SRGAP3: variants seen among roughly 807,000 people sequenced by gnomAD.
SRGAP3 encodes the protein SLIT-ROBO Rho GTPase activating protein 3.
Under a neutral mutation model 121.1 loss-of-function variants are expected in SRGAP3, and 39 were observed. The observed-to-expected ratio is 0.32, with a 90% CI of 0.25 to 0.42. SRGAP3 has a LOEUF of 0.42. Ranked by LOEUF, SRGAP3 falls within the 10% of genes least tolerant of loss-of-function variation. The pLI is 1.00. For synonymous variants in SRGAP3, 601 were observed against 570.0 expected (o/e 1.05, Z -0.77); for missense variants, 1,213 against 1,470.6 (o/e 0.82, Z 2.86).
At chr3:9,069,201 G>A (rs923946936) in intron 4 of SRGAP3, among the ~76,000 whole-genome samples, 4 of 152,146 alleles carry the variant, frequency 2.6e-5, no homozygotes, top group African/African-American at 7.2e-5. Flanking sequence ...ACTGGAATTC[G>A]GGAGACTTGG....
At chr3:8,989,363 T>C (rs1030096810) in intron 21 of SRGAP3, among the ~76,000 whole-genome samples, 4 of 152,224 alleles carry the variant, frequency 2.6e-5, no homozygotes, top group Admixed American at 6.5e-5. Flanking sequence ...GGAATGGGCA[T>C]GGGGCCAAAC....
At chr3:9,260,890 C>T (rs891876838) in intron 3 of SRGAP3, among the ~76,000 whole-genome samples, 3 of 152,346 alleles carry the variant, frequency 2.0e-5, no homozygotes, top group African/African-American at 7.2e-5. Flanking sequence ...CCCTGACCCC[C>T]GTGCCTCCTG....
chr3:9,303,414 G>C (rs1955101990), intron 3 of SRGAP3, among the ~76,000 whole-genome samples: 2 of 145,850 alleles, frequency 1.4e-5, no homozygotes, highest in Non-Finnish European at 3.0e-5. Flanking sequence ...GACAGAGTGA[G>C]ACTCCATCTC....
intron 1 of SRGAP3, among the ~76,000 whole-genome samples, chr3:9,197,204 A>C (rs1391852464): frequency 6.6e-6 from 1 of 152,250 alleles, no homozygotes; most frequent in South Asian, 2.1e-4. Context: ...CATTCTGCTA[A>C]CATCAGATGT....
chr3:8,985,993 T>G lies in SRGAP3; in HGVS notation c.2887-61A>C. Reference sequence around the variant, plus strand: ...GAGACCTGGAGTCAGGTCCTTCCTGTCTGCTAAGCAGCTTCCCTTCGTAGG... The same window carrying G: ...GAGACCTGGAGTCAGGTCCTTCCTGGCTGCTAAGCAGCTTCCCTTCGTAGG... On this transcript the variant is annotated intron_variant, in intron 21 of 21. Transcript: ENST00000383836. This position sits in a 1 kb window ranked among gnomAD's most constrained non-coding sequence, Gnocchi z 5.1. The G allele has an allele frequency of 6.3e-7, 1 of 1,598,476 alleles. No homozygotes were observed. Among genetic ancestry groups the G allele is most frequent in the Non-Finnish European group, 8.5e-7 (1 of 1,179,484 alleles).
intron 1 of SRGAP3, among the ~76,000 whole-genome samples, chr3:9,162,740 C>T (rs2668352): frequency 0.29 from 44,548 of 151,934 alleles, 7,388 homozygotes; most frequent in Non-Finnish European, 0.39. Context: ...ATGGCTGGAC[C>T]CTGGGCAAGT....
chr3:9,302,943 C>T (rs1207532624), intron 3 of SRGAP3, among the ~76,000 whole-genome samples: 1 of 129,918 alleles, frequency 7.7e-6, no homozygotes, highest in Non-Finnish European at 1.6e-5. Context: ...TAATATCTCC[C>T]ACCACCACCT....
chr3:9,083,445 GCATAT>G (rs1215357341), intron 3 of SRGAP3, among the ~76,000 whole-genome samples: 5 of 152,272 alleles, frequency 3.3e-5, no homozygotes, highest in African/African-American at 1.2e-4. Flanking sequence ...ACATATATTT[GCATAT>G]CATATGTTCT....
At chr3:9,148,335 C>T (rs1209540766) in intron 1 of SRGAP3, among the ~76,000 whole-genome samples, 2 of 152,202 alleles carry the variant, frequency 1.3e-5, no homozygotes, top group African/African-American at 4.8e-5. Context: ...GTGCTACAAG[C>T]ACCAGCAATT....
chr3:8,990,287 C>A (rs1015278018), intron 21 of SRGAP3, among the ~76,000 whole-genome samples: 9 of 152,248 alleles, frequency 5.9e-5, no homozygotes, highest in African/African-American at 2.2e-4. Context: ...GCCCTGGACA[C>A]TGGGGGTGTT....
intron 2 of SRGAP3, among the ~76,000 whole-genome samples, chr3:9,329,551 A>G (rs1458613247): frequency 6.6e-6 from 1 of 152,206 alleles, no homozygotes; most frequent in African/African-American, 2.4e-5. Context: ...AGAAATTTCA[A>G]CACATGGTGT....
intron 3 of SRGAP3, among the ~76,000 whole-genome samples, chr3:9,287,237 C>T (rs1954792528): frequency 6.6e-6 from 1 of 152,038 alleles, no homozygotes; most frequent in Non-Finnish European, 1.5e-5. Flanking sequence ...AGCGATCCTC[C>T]CACCTCACCC....
chr3:9,347,973 G>A (rs778781405), intron 1 of SRGAP3, among the ~76,000 whole-genome samples: 1 of 152,156 alleles, frequency 6.6e-6, no homozygotes, highest in Non-Finnish European at 1.5e-5. Flanking sequence ...GAGTAGCATG[G>A]TTACTCACCA....
At chr3:9,248,751 C>G in intron 1 of SRGAP3, 134 bp downstream of exon 1, 1 of 947,368 alleles carries the variant, frequency 1.1e-6, no homozygotes, top group Admixed American at 2.0e-5. Flanking sequence ...ACTGTTACTC[C>G]TCACAAAAAG....
intron 1 of SRGAP3, among the ~76,000 whole-genome samples, chr3:9,243,789 G>A (rs994948204): frequency 1.3e-5 from 2 of 152,218 alleles, no homozygotes; most frequent in African/African-American, 4.8e-5. Context: ...TCAACTTGTA[G>A]ACCAGATTTT....
Position 9,079,914 on chromosome 3 carries a change from C to T in SRGAP3, c.486+111G>A, listed in dbSNP as rs1008850845. ...ACCCACTGTCACTCAGCATAAAACG[C>T]AGCAAAAAAGGCCTGGGGTCATTCC... On this transcript the variant is annotated intron_variant, in intron 4 of 21. Transcript: ENST00000383836. The T allele has an allele frequency of 2.4e-5, 27 of 1,134,414 alleles. 2 individuals carry two copies. In the Middle Eastern group the frequency reaches 3.1e-3, roughly 128 times the overall value. The allele number at this position is 1,134,414 out of a possible 1,614,324, so 70.3% of individuals were successfully genotyped here. A position where few individuals can be genotyped will look rare whatever the true frequency, so the allele number is the denominator to read the frequency against.
intron 13 of SRGAP3, among the ~76,000 whole-genome samples, chr3:9,025,688 T>G (rs936559845): frequency 6.6e-6 from 1 of 152,138 alleles, no homozygotes; most frequent in Non-Finnish European, 1.5e-5. Context: ...TTGAGAGAAG[T>G]TAAATCATTA....
intron 1 of SRGAP3, among the ~76,000 whole-genome samples, chr3:9,191,060 A>G (rs116296496): frequency 0.025 from 3,758 of 152,258 alleles, 167 homozygotes; most frequent in African/African-American, 0.086. Flanking sequence ...AAAAAAAAGA[A>G]GTTTCTCGTC....
intron 1 of SRGAP3, among the ~76,000 whole-genome samples, chr3:9,174,959 C>T (rs1159995760): frequency 1.3e-5 from 2 of 152,114 alleles, no homozygotes; most frequent in Non-Finnish European, 2.9e-5. Flanking sequence ...GGCGTCATTC[C>T]GTGGACTGGG....
Sources: allele counts gnomAD v4.1 joint callset (sites outside exome capture counted in the v4.1 genomes callset), GRCh38; gene constraint gnomAD v4.1.1; non-coding constraint Gnocchi (gnomAD v3.1); transcripts MANE v1.5; gene names NCBI Gene and HGNC (gene_info 2026-07-23, HGNC 2026-07-21).